The following CADPS variants were observed in gnomAD, a reference collection of about 807,000 sequenced individuals.
The protein encoded by CADPS is calcium-dependent secretion activator 1.
A neutral mutation model predicts 167.3 loss-of-function variants in CADPS; 57 were observed. The observed-to-expected ratio is 0.34, with a 90% CI of 0.28 to 0.42. The LOEUF is 0.42. CADPS is among the 20% of genes least tolerant of loss of function. The probability of loss-of-function intolerance (pLI) is 1.00; values close to 1 mark genes in which losing one functional copy is unlikely to be tolerated. For missense variants in CADPS, 1,414 were observed against 1,738.1 expected (o/e 0.81, Z 3.32); for synonymous variants, 676 against 635.3 (o/e 1.06, Z -0.96).
rs567147614 is a variant in CADPS at position 62,874,500 on chromosome 3, TCGCCAGCTGCGC to T, written c.441+77_441+88del. 1 of 1,040,702 alleles carries T rather than the reference TCGCCAGCTGCGC, an allele frequency of 9.6e-7. No individual in the cohort carries two copies. Among genetic ancestry groups the T allele is most frequent in the African/African-American group, 1.6e-5 (1 of 62,812 alleles). The allele number at this position is 1,040,702 out of a possible 1,614,324, so 64.5% of individuals were successfully genotyped here. A position where few individuals can be genotyped will look rare whatever the true frequency, so the allele number is the denominator to read the frequency against. ...CGGTCTCCACCTCTCCTGCTCCTCCTCGCCAGCTGCGCCGCCAGCTCCCATTGTTCACCCCGC... is the reference window on the plus strand; with the variant it reads ...CGGTCTCCACCTCTCCTGCTCCTCCTCGCCAGCTCCCATTGTTCACCCCGC... On this transcript the variant is annotated intron_variant, in intron 1 of 29. Transcript: ENST00000383710. This position sits in a 1 kb window ranked among gnomAD's most constrained non-coding sequence, Gnocchi z 7.1.
At chr3:62,635,662 TTC>T (rs1469435134) in intron 6 of CADPS, among the ~76,000 whole-genome samples, 15 of 125,122 alleles carry the variant, frequency 1.2e-4, no homozygotes, top group African/African-American at 4.1e-4. Context: ...TTTTTTTTTT[TTC>T]CCCTCCCCAG....
intron 3 of CADPS, among the ~76,000 whole-genome samples, chr3:62,683,602 T>C (rs34538482): frequency 0.08 from 12,099 of 152,160 alleles, 637 homozygotes; most frequent in Non-Finnish European, 0.12. Context: ...CAAACATTGA[T>C]ACTTCATTAT....
chr3:62,513,570 G>A (rs1425405521), intron 16 of CADPS: 2 of 1,076,968 alleles, frequency 1.9e-6, no homozygotes, highest in African/African-American at 1.6e-5. Flanking sequence ...GTTTGGATCT[G>A]GATTTTCTTG....
intron 1 of CADPS, among the ~76,000 whole-genome samples, chr3:62,824,741 C>G (rs982908795): frequency 6.6e-6 from 1 of 152,084 alleles, no homozygotes; most frequent in Non-Finnish European, 1.5e-5. Flanking sequence ...TTACGAACTG[C>G]TGTGTAATTT....
intron 3 of CADPS, among the ~76,000 whole-genome samples, chr3:62,728,079 T>C (rs772307353): frequency 6.6e-6 from 1 of 151,810 alleles, no homozygotes; most frequent in African/African-American, 2.4e-5. Flanking sequence ...GTGGGGAAAT[T>C]GAGGCTTATC....
chr3:62,724,397 T>A (rs1316354201), intron 3 of CADPS, among the ~76,000 whole-genome samples: 3 of 142,754 alleles, frequency 2.1e-5, no homozygotes, highest in Non-Finnish European at 4.6e-5. Flanking sequence ...TTTCATGGAC[T>A]AAGAAACAAT....
At chr3:62,520,166 C>T (rs1322857092) in intron 13 of CADPS, among the ~76,000 whole-genome samples, 2 of 152,062 alleles carry the variant, frequency 1.3e-5, no homozygotes, top group East Asian at 3.9e-4. Context: ...CATGAAGAGC[C>T]AGGATATTTG....
chr3:62,795,565 C>T (rs1383183029), intron 1 of CADPS, among the ~76,000 whole-genome samples: 3 of 152,102 alleles, frequency 2.0e-5, no homozygotes, highest in Non-Finnish European at 4.4e-5. Flanking sequence ...CTCGCTTTAC[C>T]AACTTTCTGT....
At position 62,412,280 on chromosome 3, in the gene CADPS, G is replaced by A. The variant is rs1452494401; in HGVS notation, c.3778-9095C>T. Among the ~76,000 whole-genome samples the A allele has an allele frequency of 6.6e-6, 1 of 150,696 alleles. No homozygotes were observed. Among genetic ancestry groups the A allele is most frequent in the Non-Finnish European group, 1.5e-5 (1 of 67,878 alleles). ...CCTAAAGTTTGGACGGCAGCTCCCT[G>A]AGGACTCACTGACGGAGGAGTCTGA... On this transcript the variant is annotated intron_variant, in intron 28 of 29. Coordinates refer to ENST00000383710, the MANE Select transcript of CADPS (RefSeq NM_003716.4). This position sits in a 1 kb window ranked among gnomAD's most constrained non-coding sequence, Gnocchi z 4.1.
rs1002631944 is a variant in CADPS, at chr3:62,513,829, A to C, written c.2582-1061T>G. 4.7e-6 allele frequency: 3 copies of C among 633,216 alleles called. No individual in the cohort carries two copies. In the African/African-American group the frequency reaches 5.5e-5, roughly 12 times the overall value. The allele number at this position is 633,216 out of a possible 1,614,324, so 39.2% of individuals were successfully genotyped here. On this transcript the variant is annotated intron_variant, in intron 16 of 29. Coordinates refer to ENST00000383710, the MANE Select transcript of CADPS (RefSeq NM_003716.4). ...AATAGCCACAGAGTATTTTGGGATA[A>C]ACACAGGATAAAAGAAAAAGGAGCT...
At chr3:62,610,115 AAAAAAACAAC>A (rs2061292327) in intron 6 of CADPS, among the ~76,000 whole-genome samples, 1 of 152,066 alleles carries the variant, frequency 6.6e-6, no homozygotes. Context: ...CACACCAGAA[AAAAAAACAAC>A]AAAAAACAAA....
At chr3:62,513,891 T>A (rs776899745) in intron 16 of CADPS, among the ~76,000 whole-genome samples, 1 of 151,998 alleles carries the variant, frequency 6.6e-6, no homozygotes, top group Non-Finnish European at 1.5e-5. Context: ...CCATTCAGCA[T>A]GCCGTGAGTC....
chr3:62,672,758 G>C (rs2075750944), intron 3 of CADPS, among the ~76,000 whole-genome samples: 2 of 152,072 alleles, frequency 1.3e-5, no homozygotes, highest in South Asian at 4.2e-4. Context: ...TGACTAGCTG[G>C]GACTACAGGC....
intron 1 of CADPS, among the ~76,000 whole-genome samples, chr3:62,839,348 G>A (rs552294938): frequency 2.2e-4 from 34 of 152,134 alleles, no homozygotes; most frequent in African/African-American, 7.2e-4. Context: ...AAGCCACCAC[G>A]CCTGGCTATT....
At chr3:62,801,221 T>C (rs1343935333) in intron 1 of CADPS, among the ~76,000 whole-genome samples, 1 of 152,152 alleles carries the variant, frequency 6.6e-6, no homozygotes, top group Non-Finnish European at 1.5e-5. Context: ...GAACAGATGA[T>C]CTACTCCATA....
intron 3 of CADPS, among the ~76,000 whole-genome samples, chr3:62,664,866 G>A (rs2150567922): frequency 6.6e-6 from 1 of 152,298 alleles, no homozygotes; most frequent in East Asian, 1.9e-4. Context: ...GAAAATGCTG[G>A]CAATGAAGAT....
At chr3:62,503,251 T>C (rs529566233) in intron 17 of CADPS, among the ~76,000 whole-genome samples, 1 of 152,336 alleles carries the variant, frequency 6.6e-6, no homozygotes, top group South Asian at 2.1e-4. Context: ...ATATTAATAG[T>C]TGGAAGATCT....
intron 3 of CADPS, among the ~76,000 whole-genome samples, chr3:62,738,069 G>C (rs1019344633): frequency 2.0e-5 from 3 of 152,174 alleles, no homozygotes; most frequent in Admixed American, 6.5e-5. Flanking sequence ...GTGTATGATA[G>C]ACACTCAATT....
intron 3 of CADPS, among the ~76,000 whole-genome samples, chr3:62,696,493 A>G (rs911433991): frequency 6.6e-6 from 1 of 152,120 alleles, no homozygotes; most frequent in African/African-American, 2.4e-5. Context: ...CACCAGCATC[A>G]GTGCCCAGCA....
Sources: allele counts gnomAD v4.1 joint callset (sites outside exome capture counted in the v4.1 genomes callset), GRCh38; gene constraint gnomAD v4.1.1; non-coding constraint Gnocchi (gnomAD v3.1); transcripts MANE v1.5; gene names NCBI Gene and HGNC (gene_info 2026-07-23, HGNC 2026-07-21).